Variants in SLC39A11 observed in about 807,000 individuals in gnomAD.
The protein encoded by SLC39A11 is solute carrier family 39 member 11.
Under a neutral mutation model 36.1 loss-of-function variants are expected in SLC39A11, and 33 were observed. The ratio of observed to expected loss-of-function variants is 0.91; its 90% CI spans 0.69 to 1.22. SLC39A11 has a LOEUF of 1.22. Ranked by LOEUF, SLC39A11 falls within the 50% of genes most tolerant of loss-of-function variation. SLC39A11 has a pLI of 0.00. For synonymous variants in SLC39A11, 166 were observed against 170.3 expected (o/e 0.97, Z 0.20); for missense variants, 432 against 430.3 (o/e 1.00, Z -0.03).
rs917059344 is a variant in SLC39A11, at chr17:72,647,503, G to A, written c.*81C>T. ...GGAAGGAAAAAAGTTTTAATGTGAA[G>A]AAAGAAGCTTGTTGTCCCATAGAAG... On this transcript the variant is annotated 3_prime_UTR_variant, in exon 10 of 10. Transcript: ENST00000255559. 2.6e-5 allele frequency: 31 copies of A among 1,185,026 alleles called. No homozygotes were observed. The highest frequency in any genetic ancestry group is 2.7e-4 in the Middle Eastern group (1 of 3,654). 73.4% of individuals were successfully genotyped at this position (1,185,026 alleles called of 1,614,324 possible).
chr17:72,699,731 G>T (rs558364308), intron 7 of SLC39A11, among the ~76,000 whole-genome samples: 2 of 152,304 alleles, frequency 1.3e-5, no homozygotes, highest in South Asian at 4.1e-4. Context: ...TGGCAAGGGC[G>T]GCCAGGGCTG....
chr17:73,000,862 A>G lies in SLC39A11; in HGVS notation c.306+30694T>C, dbSNP rs546838770. Among the ~76,000 whole-genome samples, 4 of 152,324 alleles carry G rather than the reference A, an allele frequency of 2.6e-5. No homozygotes were observed. In the South Asian group the frequency reaches 8.3e-4, roughly 32 times the overall value. ...TGTTCTTTGTTAGGCTCTGCAAGTCAAGGATATTAGAAGAAAACTTTAGTG... is the reference window on the plus strand; with the variant it reads ...TGTTCTTTGTTAGGCTCTGCAAGTCGAGGATATTAGAAGAAAACTTTAGTG... On this transcript the variant is annotated intron_variant, in intron 4 of 9. Transcript: ENST00000255559.
chr17:72,669,491 C>A (rs367584409), intron 7 of SLC39A11, among the ~76,000 whole-genome samples: 156 of 152,254 alleles, frequency 1.0e-3, no homozygotes, highest in African/African-American at 3.4e-3. Flanking sequence ...GATATTTTCT[C>A]ATGATTACAT....
chr17:72,909,388 T>C (rs1490639248), intron 5 of SLC39A11, among the ~76,000 whole-genome samples: 1 of 152,216 alleles, frequency 6.6e-6, no homozygotes, highest in African/African-American at 2.4e-5. Flanking sequence ...CACATTGACT[T>C]GAATCCCATT....
chr17:72,657,597 CA>C (rs1359441708), intron 7 of SLC39A11, among the ~76,000 whole-genome samples: 1 of 152,096 alleles, frequency 6.6e-6, no homozygotes, highest in Non-Finnish European at 1.5e-5. Context: ...CTAGGGTGCC[CA>C]ACCATTCCGG....
intron 7 of SLC39A11, among the ~76,000 whole-genome samples, chr17:72,676,132 T>C (rs1266122974): frequency 2.6e-5 from 4 of 152,038 alleles, no homozygotes; most frequent in African/African-American, 9.7e-5. Context: ...TCTCTTTTTT[T>C]CAAATAAAAT....
intron 5 of SLC39A11, among the ~76,000 whole-genome samples, chr17:72,889,159 C>A (rs1228728998): frequency 6.6e-6 from 1 of 152,062 alleles, no homozygotes; most frequent in Non-Finnish European, 1.5e-5. Flanking sequence ...ATCTATTAGC[C>A]ATACTTAAAC....
intron 5 of SLC39A11, among the ~76,000 whole-genome samples, chr17:72,856,985 A>G (rs2079677467): frequency 6.6e-6 from 1 of 152,126 alleles, no homozygotes; most frequent in Admixed American, 6.5e-5. Context: ...TCTTTTTTAA[A>G]AAACTTTCAC....
intron 3 of SLC39A11, among the ~76,000 whole-genome samples, chr17:73,058,806 G>T (rs1023442439): frequency 6.6e-6 from 1 of 152,188 alleles, no homozygotes; most frequent in Non-Finnish European, 1.5e-5. Flanking sequence ...AGATGAAAGA[G>T]AACTCAGGAG....
chr17:72,789,405 AC>A (rs1238550771), intron 6 of SLC39A11, among the ~76,000 whole-genome samples: 2 of 152,224 alleles, frequency 1.3e-5, no homozygotes, highest in African/African-American at 2.4e-5. Flanking sequence ...AATGGAGGCC[AC>A]CTCAAAATTC....
chr17:72,687,273 T>A (rs966801962), intron 7 of SLC39A11, among the ~76,000 whole-genome samples: 2 of 152,168 alleles, frequency 1.3e-5, no homozygotes, highest in Non-Finnish European at 1.5e-5. Context: ...AGCATTTTTT[T>A]TTTAGACAGT....
At chr17:73,052,789 C>T (rs1009839785) in intron 3 of SLC39A11, among the ~76,000 whole-genome samples, 3 of 152,164 alleles carry the variant, frequency 2.0e-5, no homozygotes, top group African/African-American at 7.2e-5. Flanking sequence ...CAACCTCCAC[C>T]TCCCGGGTTC....
At chr17:72,749,113 C>A (rs181142993) in intron 6 of SLC39A11, among the ~76,000 whole-genome samples, 67 of 152,260 alleles carry the variant, frequency 4.4e-4, no homozygotes, top group African/African-American at 1.5e-3. Flanking sequence ...AGTGGGGGAA[C>A]CTGCCGTCAG....
intron 4 of SLC39A11, among the ~76,000 whole-genome samples, chr17:73,006,675 CACAT>C (rs991817325): frequency 1.3e-5 from 2 of 151,696 alleles, no homozygotes; most frequent in African/African-American, 4.9e-5. Context: ...CACACACACA[CACAT>C]GCACACACGC....
intron 5 of SLC39A11, among the ~76,000 whole-genome samples, chr17:72,941,065 A>G (rs2085070455): frequency 6.6e-6 from 1 of 152,166 alleles, no homozygotes; most frequent in Non-Finnish European, 1.5e-5. Context: ...TGAGCCCAGG[A>G]GTTCAAGACC....
chr17:72,668,969 A>G (rs753645696), intron 7 of SLC39A11, among the ~76,000 whole-genome samples: 8 of 152,228 alleles, frequency 5.3e-5, no homozygotes, highest in Non-Finnish European at 8.8e-5. Context: ...GCAAACAAAT[A>G]AAACGATACA....
At chr17:73,001,490 C>A (rs913137105) in intron 4 of SLC39A11, among the ~76,000 whole-genome samples, 3 of 150,580 alleles carry the variant, frequency 2.0e-5, no homozygotes, top group Admixed American at 1.3e-4. Context: ...GTGCAGCACA[C>A]CAGCATGGCA....
At chr17:72,861,162 T>C (rs1264951783) in intron 5 of SLC39A11, among the ~76,000 whole-genome samples, 2 of 152,128 alleles carry the variant, frequency 1.3e-5, no homozygotes, top group African/African-American at 2.4e-5. Flanking sequence ...TATGATAAGA[T>C]TTGGTGCAGA....
At chr17:72,845,185 C>A (rs2145921521) in intron 6 of SLC39A11, among the ~76,000 whole-genome samples, 1 of 152,340 alleles carries the variant, frequency 6.6e-6, no homozygotes, top group African/African-American at 2.4e-5. Context: ...ACTTTCAAAG[C>A]TCAAGTCAAG....
Sources: gnomAD v4.1 joint callset for allele counts (sites outside exome capture counted in the v4.1 genomes callset) on GRCh38, gnomAD v4.1.1 for gene constraint, MANE v1.5 for transcripts, NCBI Gene and HGNC (gene_info 2026-07-23, HGNC 2026-07-21) for gene names.